Variants in TTC33 observed in about 807,000 individuals in gnomAD.
TTC33 encodes the protein tetratricopeptide repeat domain 33.
Under a neutral mutation model 29.4 loss-of-function variants are expected in TTC33, and 24 were observed. The ratio of observed to expected loss-of-function variants is 0.82; its 90% CI spans 0.59 to 1.15. The LOEUF (loss-of-function observed/expected upper bound fraction) is 1.15. Ranked by LOEUF, TTC33 falls within the 50% of genes most tolerant of loss-of-function variation. TTC33 has a pLI of 0.00. For synonymous variants in TTC33, 107 were observed against 100.3 expected (o/e 1.07, Z -0.40); for missense variants, 286 against 310.4 (o/e 0.92, Z 0.59).
At chr5:40,722,528 G>A (rs1184468541) in intron 4 of TTC33, among the ~76,000 whole-genome samples, 1 of 151,144 alleles carries the variant, frequency 6.6e-6, no homozygotes, top group Non-Finnish European at 1.5e-5. Flanking sequence ...TCCCCGTCTG[G>A]AATGTGAGGA....
chr5:40,733,251 C>T (rs943858473), intron 2 of TTC33, among the ~76,000 whole-genome samples: 2 of 152,078 alleles, frequency 1.3e-5, no homozygotes, highest in Non-Finnish European at 2.9e-5. Context: ...TCTTTGACAG[C>T]TTTTGAGGAA....
At chr5:40,718,733 G>A (rs550147667) in intron 4 of TTC33, among the ~76,000 whole-genome samples, 11 of 150,096 alleles carry the variant, frequency 7.3e-5, no homozygotes, top group Middle Eastern at 7.0e-3. Flanking sequence ...GCAAGATTCC[G>A]TCTCGAAAAA....
intron 2 of TTC33, among the ~76,000 whole-genome samples, chr5:40,746,335 TTTAC>T (rs1430629831): frequency 1.1e-4 from 16 of 152,218 alleles, no homozygotes; most frequent in Admixed American, 3.3e-4. Flanking sequence ...GCAAGTCATA[TTTAC>T]TTAAGTATAT....
At chr5:40,719,218 A>T (rs1304945017) in intron 4 of TTC33, among the ~76,000 whole-genome samples, 1 of 152,010 alleles carries the variant, frequency 6.6e-6, no homozygotes, top group Admixed American at 6.6e-5. Context: ...GTTACTCCTC[A>T]TTTCTCCCCA....
At chr5:40,722,158 T>C (rs1465751775) in intron 4 of TTC33, among the ~76,000 whole-genome samples, 1 of 150,986 alleles carries the variant, frequency 6.6e-6, no homozygotes, top group Non-Finnish European at 1.5e-5. Flanking sequence ...TGAGCCGAGA[T>C]CGCACCATGT....
chr5:40,734,703 A>C (rs1032846891), intron 2 of TTC33, among the ~76,000 whole-genome samples: 2 of 152,226 alleles, frequency 1.3e-5, no homozygotes, highest in African/African-American at 2.4e-5. Context: ...CACTTTATAA[A>C]TATTTACTGG....
intron 3 of TTC33, among the ~76,000 whole-genome samples, chr5:40,729,444 T>C (rs1014729419): frequency 1.5e-4 from 23 of 152,360 alleles, no homozygotes; most frequent in African/African-American, 5.0e-4. Flanking sequence ...AGGTTTTCTT[T>C]ACAGACTTTC....
intron 1 of TTC33, among the ~76,000 whole-genome samples, chr5:40,755,146 C>A (rs1453608164): frequency 6.6e-6 from 1 of 152,150 alleles, no homozygotes; most frequent in African/African-American, 2.4e-5. Flanking sequence ...TGTACTGTTA[C>A]AAAGATCCCT....
chr5:40,743,527 C>T (rs775888168), intron 2 of TTC33, among the ~76,000 whole-genome samples: 19 of 151,848 alleles, frequency 1.3e-4, no homozygotes, highest in Admixed American at 3.9e-4. Context: ...AATCTCAGCA[C>T]TTTGGGAGGC....
chr5:40,738,539 CAATAAAATAA>C lies in TTC33; in HGVS notation c.222-8206_222-8197del, dbSNP rs1164887852. Among the ~76,000 whole-genome samples the C allele has an allele frequency of 5.8e-3, 388 of 67,468 alleles. 6 individuals are homozygous for C. Among genetic ancestry groups the C allele is most frequent in the African/African-American group, 0.021 (358 of 17,422 alleles). The allele number at this position is 67,468 out of a possible 152,430, so 44.3% of individuals were successfully genotyped here. A position where few individuals can be genotyped will look rare whatever the true frequency, so the allele number is the denominator to read the frequency against. ...CAATAAAATAAAATACAATAAAATA[CAATAAAATAA>C]AATAAAATAAAATAAAATATAAAAT... is the stretch of plus-strand genomic sequence containing the variant. On this transcript the variant is annotated intron_variant, in intron 2 of 4. Transcript: ENST00000337702.
intron 4 of TTC33, among the ~76,000 whole-genome samples, chr5:40,724,199 A>G (rs1229142369): frequency 2.0e-5 from 3 of 152,244 alleles, no homozygotes; most frequent in African/African-American, 7.2e-5. Flanking sequence ...GCTTCAAAAA[A>G]GAAGCAAATT....
chr5:40,738,305 T>A (rs1243658738), intron 2 of TTC33, among the ~76,000 whole-genome samples: 1 of 151,576 alleles, frequency 6.6e-6, no homozygotes, highest in African/African-American at 2.4e-5. Flanking sequence ...TCCCAGCTAG[T>A]CGGGAGTGCT....
chr5:40,720,165 T>G (rs1371958808), intron 4 of TTC33, among the ~76,000 whole-genome samples: 1 of 152,148 alleles, frequency 6.6e-6, no homozygotes, highest in Non-Finnish European at 1.5e-5. Context: ...CTCCTAAGAG[T>G]TTTATAATAC....
At chr5:40,718,819 T>C (rs1295030382) in intron 4 of TTC33, among the ~76,000 whole-genome samples, 1 of 151,894 alleles carries the variant, frequency 6.6e-6, no homozygotes, top group Non-Finnish European at 1.5e-5. Flanking sequence ...GAGAATCACT[T>C]GAACCCAAGA....
chr5:40,749,144 G>T (rs1742850861), intron 1 of TTC33, among the ~76,000 whole-genome samples: 1 of 152,066 alleles, frequency 6.6e-6, no homozygotes. Flanking sequence ...CAGTAAATCT[G>T]CAATGATATA....
intron 2 of TTC33, among the ~76,000 whole-genome samples, chr5:40,736,295 ATG>A (rs1481892637): frequency 6.6e-6 from 1 of 152,230 alleles, no homozygotes; most frequent in Non-Finnish European, 1.5e-5. Context: ...AAATATACTG[ATG>A]TGAGTAATCT....
At chr5:40,727,386 A>T (rs969690377) in intron 4 of TTC33, among the ~76,000 whole-genome samples, 3 of 152,244 alleles carry the variant, frequency 2.0e-5, no homozygotes, top group African/African-American at 7.2e-5. Flanking sequence ...TCAGGTGTAT[A>T]TAGCCCTGCC....
intron 1 of TTC33, among the ~76,000 whole-genome samples, chr5:40,749,591 T>C (rs1742857333): frequency 6.6e-6 from 1 of 152,190 alleles, no homozygotes; most frequent in African/African-American, 2.4e-5. Context: ...TTTCAAGGTC[T>C]TCATTACTGA....
intron 1 of TTC33, among the ~76,000 whole-genome samples, chr5:40,752,717 T>C (rs531318409): frequency 2.6e-5 from 4 of 152,332 alleles, no homozygotes; most frequent in East Asian, 1.9e-4. Flanking sequence ...ATAACAGATA[T>C]AGTAATAATT....
Sources: gnomAD v4.1 joint callset for allele counts (sites outside exome capture counted in the v4.1 genomes callset) on GRCh38, gnomAD v4.1.1 for gene constraint, MANE v1.5 for transcripts, NCBI Gene and HGNC (gene_info 2026-07-23, HGNC 2026-07-21) for gene names.